The following TRAPPC9 variants were observed in gnomAD, a reference collection of about 807,000 sequenced individuals.
The protein encoded by TRAPPC9 is IKK2 binding protein.
TRAPPC9 carries 83 observed loss-of-function variants against 124.0 expected under a neutral mutation model. The ratio of observed to expected loss-of-function variants is 0.67; its 90% confidence interval spans 0.56 to 0.80. The LOEUF is 0.80. TRAPPC9 is among the 30% of genes least tolerant of loss of function. The pLI is 0.00. For synonymous variants in TRAPPC9, 638 were observed against 617.5 expected, an observed-to-expected ratio of 1.03 and a Z score of -0.49; for missense variants, 1,302 against 1,508.3, an observed-to-expected ratio of 0.86 and a Z score of 2.27.
chr8:140,296,663 C>T (rs973799643), intron 11 of TRAPPC9, among the ~76,000 whole-genome samples: 1 of 152,226 alleles, frequency 6.6e-6, no homozygotes, highest in Non-Finnish European at 1.5e-5. Context: ...TCTGGGTTCA[C>T]GCTCTGCTGT....
At chr8:139,953,440 C>T (rs1048830959) in intron 19 of TRAPPC9, among the ~76,000 whole-genome samples, 1 of 152,088 alleles carries the variant, frequency 6.6e-6, no homozygotes. Flanking sequence ...TGCAGTGAGC[C>T]GAGATCGTGC....
rs116899057 is a variant in TRAPPC9, at chr8:140,069,734, C to G, written c.2557-45655G>C. Reference sequence around the variant, plus strand: ...TGAGAGGGGATGTATTAGGAGAACTCAATCCCTAGGTTCACCACACCAAGC... The same window carrying G: ...TGAGAGGGGATGTATTAGGAGAACTGAATCCCTAGGTTCACCACACCAAGC... On this transcript the variant is annotated intron_variant, in intron 17 of 22. Coordinates refer to ENST00000438773, the MANE Select transcript of TRAPPC9 (RefSeq NM_001160372.4). Among the ~76,000 whole-genome samples, 361 of 152,232 alleles carry G rather than the reference C, an allele frequency of 2.4e-3. 3 individuals are homozygous for G. The East Asian group carries it at 0.03, about 13-fold the overall frequency.
At chr8:140,133,536 A>G (rs761081999) in intron 17 of TRAPPC9, among the ~76,000 whole-genome samples, 1 of 152,228 alleles carries the variant, frequency 6.6e-6, no homozygotes, top group Non-Finnish European at 1.5e-5. Flanking sequence ...CTGCTATTCA[A>G]TCCCGAATCA....
chr8:140,351,502 C>T (rs2067576537), intron 9 of TRAPPC9, among the ~76,000 whole-genome samples: 1 of 152,040 alleles, frequency 6.6e-6, no homozygotes, highest in Non-Finnish European at 1.5e-5. Context: ...GGTGTGGTGG[C>T]TCATGCCTGT....
At chr8:139,993,765 G>C (rs1229844063) in intron 18 of TRAPPC9, among the ~76,000 whole-genome samples, 2 of 151,674 alleles carry the variant, frequency 1.3e-5, no homozygotes, top group Admixed American at 1.3e-4. Flanking sequence ...AAAACTGCTG[G>C]GTAAATAAGT....
chr8:140,097,661 G>C lies in TRAPPC9; in HGVS notation c.2557-73582C>G, dbSNP rs969551604. ...ATAAGAATGCCCAGCTGGATCTTGG[G>C]GTGCACAGCCCCAGCTGTGCCGCTG... On this transcript the variant is annotated intron_variant, in intron 17 of 22. Transcript: ENST00000438773. This position sits in a 1 kb window ranked among gnomAD's most constrained non-coding sequence, Gnocchi z 4.2. 2.6e-5 allele frequency: 4 copies of C among 152,156 alleles called. No individual in the cohort carries two copies. The highest frequency in any genetic ancestry group is 9.7e-5 in the African/African-American group (4 of 41,418). 9.4% of individuals were successfully genotyped at this position (152,156 alleles called of 1,614,324 possible).
chr8:139,955,386 A>AT (rs1834906413), intron 19 of TRAPPC9, among the ~76,000 whole-genome samples: 1 of 152,080 alleles, frequency 6.6e-6, no homozygotes, highest in Admixed American at 6.6e-5. Flanking sequence ...CTGCAAAAAA[A>AT]CCCTGGACGG....
intron 5 of TRAPPC9, among the ~76,000 whole-genome samples, chr8:140,414,943 T>C (rs1214124360): frequency 6.6e-6 from 1 of 152,098 alleles, no homozygotes; most frequent in Non-Finnish European, 1.5e-5. Context: ...TTTCACCATG[T>C]TGGCCAGGCT....
At chr8:140,052,717 G>A (rs1486722646) in intron 17 of TRAPPC9, among the ~76,000 whole-genome samples, 1 of 152,024 alleles carries the variant, frequency 6.6e-6, no homozygotes, top group Admixed American at 6.6e-5. Flanking sequence ...GGGAAGCAGA[G>A]GTTGCAGTGA....
At chr8:140,013,970 G>C (rs1030034268) in intron 18 of TRAPPC9, among the ~76,000 whole-genome samples, 12 of 152,288 alleles carry the variant, frequency 7.9e-5, no homozygotes, top group African/African-American at 2.9e-4. Context: ...CTCACTCCTG[G>C]TGTGCACTGC....
chr8:140,386,158 G>C (rs2068750213), intron 7 of TRAPPC9, among the ~76,000 whole-genome samples: 1 of 152,066 alleles, frequency 6.6e-6, no homozygotes. Flanking sequence ...GGTATTGATG[G>C]GATGTATCTC....
At chr8:139,966,303 G>A (rs58076692) in intron 19 of TRAPPC9, among the ~76,000 whole-genome samples, 2,859 of 152,286 alleles carry the variant, frequency 0.019, 83 homozygotes, top group African/African-American at 0.065. Flanking sequence ...GGTGGGAAAC[G>A]CAGGATCACC....
chr8:140,419,455 AAACAAAAC>A (rs2070112127), intron 5 of TRAPPC9, among the ~76,000 whole-genome samples: 2 of 146,726 alleles, frequency 1.4e-5, no homozygotes, highest in African/African-American at 5.3e-5. Context: ...AAAAAAAACA[AAACAAAAC>A]AAAAAACGAG....
Position 140,135,811 on chromosome 8 carries a change from G to C in TRAPPC9, c.2556+85648C>G, listed in dbSNP as rs2061294410. On this transcript the variant is annotated intron_variant, in intron 17 of 22. Transcript: ENST00000438773. Reference sequence around the variant, plus strand: ...AATGTCGCAATACAATTTTTTAAAAGAGAGAACAAAACCAGGTAGCAGTCG... The same window carrying C: ...AATGTCGCAATACAATTTTTTAAAACAGAGAACAAAACCAGGTAGCAGTCG... Among the ~76,000 whole-genome samples, 4 of 152,318 alleles carry C rather than the reference G, an allele frequency of 2.6e-5. No individual in the cohort carries two copies. The South Asian group carries it at 8.3e-4, about 32-fold the overall frequency.
intron 17 of TRAPPC9, among the ~76,000 whole-genome samples, chr8:140,109,372 GCAAGGTCACCA>G (rs2060722485): frequency 6.6e-6 from 1 of 152,158 alleles, no homozygotes; most frequent in East Asian, 1.9e-4. Context: ...GTCATTAAAT[GCAAGGTCACCA>G]CTGGTCAAAA....
At chr8:140,039,256 A>C (rs1004033876) in intron 17 of TRAPPC9, among the ~76,000 whole-genome samples, 2 of 152,232 alleles carry the variant, frequency 1.3e-5, no homozygotes, top group South Asian at 4.1e-4. Context: ...AAGTTCATTT[A>C]CTCAAATGGT....
chr8:139,758,296 G>GACTC (rs924122211), intron 21 of TRAPPC9, among the ~76,000 whole-genome samples: 2 of 152,194 alleles, frequency 1.3e-5, no homozygotes, highest in Non-Finnish European at 2.9e-5. Flanking sequence ...TGTGGAATGG[G>GACTC]ACTCACACTG....
intron 17 of TRAPPC9, among the ~76,000 whole-genome samples, chr8:140,217,079 C>T (rs2063213526): frequency 6.6e-6 from 1 of 152,180 alleles, no homozygotes; most frequent in South Asian, 2.1e-4. Flanking sequence ...TGTCCCAACC[C>T]CGGGGCACCG....
At chr8:140,038,184 C>T (rs1391693590) in intron 17 of TRAPPC9, among the ~76,000 whole-genome samples, 1 of 152,020 alleles carries the variant, frequency 6.6e-6, no homozygotes, top group East Asian at 1.9e-4. Context: ...AAAAGGATGG[C>T]ACAGGACTGC....
Sources: gnomAD v4.1 joint callset for allele counts (sites outside exome capture counted in the v4.1 genomes callset) on GRCh38, gnomAD v4.1.1 for gene constraint, Gnocchi (gnomAD v3.1) non-coding constraint, MANE v1.5 for transcripts, NCBI Gene and HGNC (gene_info 2026-07-23, HGNC 2026-07-21) for gene names.